Variants in LRBA observed in about 807,000 individuals in gnomAD.
The protein encoded by LRBA is LPS responsive beige-like anchor protein.
A neutral mutation model predicts 330.0 loss-of-function variants in LRBA; 176 were observed. The observed-to-expected ratio is 0.53, with a 90% CI of 0.47 to 0.60. LRBA has a LOEUF of 0.60. LRBA is among the 20% of genes least tolerant of loss of function. LRBA has a pLI of 0.00. For synonymous variants in LRBA, 1,230 were observed against 1,193.0 expected, an observed-to-expected ratio of 1.03 and a Z score of -0.64; for missense variants, 3,259 against 3,444.8, an observed-to-expected ratio of 0.95 and a Z score of 1.35.
intron 35 of LRBA, among the ~76,000 whole-genome samples, chr4:150,742,126 A>G (rs944226878): frequency 8.0e-6 from 1 of 125,216 alleles, no homozygotes; most frequent in Non-Finnish European, 1.6e-5. Context: ...AATTATTATT[A>G]TTATCATTAT....
rs765304417 is a variant in LRBA at position 150,302,828 on chromosome 4, T to C, written c.7850-36A>G. 35 of 1,482,042 alleles carry C rather than the reference T, an allele frequency of 2.4e-5. No individual in the cohort carries two copies. In the South Asian group the frequency reaches 4.2e-4, roughly 18 times the overall value. The allele number at this position is 1,482,042 out of a possible 1,614,324, so 91.8% of individuals were successfully genotyped here. A position where few individuals can be genotyped will look rare whatever the true frequency, so the allele number is the denominator to read the frequency against. ...AAACAATTTTCTTTAAAAATGCTAT[T>C]AAAAAAATAAAAATTCTAGTGAACA... On this transcript the variant is annotated intron_variant, in intron 52 of 56. Coordinates refer to ENST00000651943, the MANE Select transcript of LRBA (RefSeq NM_001364905.1).
intron 33 of LRBA, among the ~76,000 whole-genome samples, chr4:150,805,284 AG>A (rs56007287): frequency 5.1e-4 from 27 of 53,440 alleles, no homozygotes; most frequent in East Asian, 1.2e-3. Context: ...AAAGGAAAGG[AG>A]AAGGAAAGGA....
intron 42 of LRBA, among the ~76,000 whole-genome samples, chr4:150,477,357 T>C (rs909023743): frequency 7.2e-5 from 11 of 152,146 alleles, no homozygotes; most frequent in African/African-American, 2.7e-4. Context: ...AGAAGTTTAA[T>C]TGACTTATAG....
intron 36 of LRBA, among the ~76,000 whole-genome samples, chr4:150,700,989 G>A (rs1316736867): frequency 2.0e-5 from 3 of 151,916 alleles, no homozygotes; most frequent in Non-Finnish European, 4.4e-5. Flanking sequence ...CAAACTCCTG[G>A]ACTCAAGCAA....
chr4:150,791,697 T>C (rs1578795088), intron 34 of LRBA, among the ~76,000 whole-genome samples: 1 of 152,126 alleles, frequency 6.6e-6, no homozygotes, highest in African/African-American at 2.4e-5. Flanking sequence ...CTTCGTATCA[T>C]AGGATTTCCT....
chr4:150,653,972 C>T (rs1779943181), intron 37 of LRBA, among the ~76,000 whole-genome samples: 1 of 152,136 alleles, frequency 6.6e-6, no homozygotes, highest in Admixed American at 6.5e-5. Flanking sequence ...AATACTCCTT[C>T]TCTGGAGAGA....
chr4:150,926,505 C>T (rs1360609094), intron 4 of LRBA, among the ~76,000 whole-genome samples: 1 of 152,138 alleles, frequency 6.6e-6, no homozygotes, highest in Non-Finnish European at 1.5e-5. Flanking sequence ...ACCAGTCTAA[C>T]AATCTTAAAA....
chr4:150,879,492 A>G (rs1028324593), intron 17 of LRBA, among the ~76,000 whole-genome samples: 17 of 152,198 alleles, frequency 1.1e-4, no homozygotes, highest in African/African-American at 3.6e-4. Context: ...CTCTTATTCA[A>G]CATAGCACTG....
intron 40 of LRBA, among the ~76,000 whole-genome samples, chr4:150,587,055 A>G (rs768739228): frequency 1.1e-4 from 17 of 152,184 alleles, no homozygotes; most frequent in Non-Finnish European, 2.1e-4. Flanking sequence ...GTTTCATACA[A>G]TCTACCAAGT....
intron 40 of LRBA, among the ~76,000 whole-genome samples, chr4:150,493,693 C>A (rs1036511766): frequency 6.6e-6 from 1 of 152,166 alleles, no homozygotes; most frequent in African/African-American, 2.4e-5. Context: ...TGAGCATTCA[C>A]TCATTTACTA....
intron 2 of LRBA, among the ~76,000 whole-genome samples, chr4:150,947,612 A>G (rs1375773023): frequency 1.3e-5 from 2 of 152,096 alleles, no homozygotes; most frequent in Non-Finnish European, 2.9e-5. Context: ...TCTCTCCTAA[A>G]GATCAGGAAC....
At chr4:150,324,380 C>T (rs1044527592) in intron 49 of LRBA, among the ~76,000 whole-genome samples, 2 of 152,296 alleles carry the variant, frequency 1.3e-5, no homozygotes. Flanking sequence ...TCTATGTAGT[C>T]TTCTGCCCAC....
chr4:150,655,441 T>C (rs1415815824), intron 37 of LRBA, among the ~76,000 whole-genome samples: 1 of 152,210 alleles, frequency 6.6e-6, no homozygotes, highest in Non-Finnish European at 1.5e-5. Context: ...TTATCATTTT[T>C]GCCACCAAAT....
At chr4:150,992,844 T>C (rs1488999616) in intron 2 of LRBA, among the ~76,000 whole-genome samples, 1 of 152,250 alleles carries the variant, frequency 6.6e-6, no homozygotes, top group East Asian at 1.9e-4. Context: ...CTTGTAGGCA[T>C]GCCTTCTCTA....
intron 46 of LRBA, among the ~76,000 whole-genome samples, chr4:150,427,704 T>G (rs1749826912): frequency 6.6e-6 from 1 of 152,018 alleles, no homozygotes; most frequent in Non-Finnish European, 1.5e-5. Flanking sequence ...TCTAAATTAT[T>G]AAAATGGTGT....
chr4:150,503,280 T>G (rs1175867136), intron 40 of LRBA, among the ~76,000 whole-genome samples: 1 of 152,032 alleles, frequency 6.6e-6, no homozygotes, highest in Non-Finnish European at 1.5e-5. Flanking sequence ...GACCCCCGAG[T>G]AGCCTAACTG....
At chr4:150,406,494 A>G (rs1270866373) in intron 47 of LRBA, among the ~76,000 whole-genome samples, 2 of 152,200 alleles carry the variant, frequency 1.3e-5, no homozygotes, top group Non-Finnish European at 2.9e-5. Flanking sequence ...ATTGAAAATA[A>G]AATAATGGAA....
intron 37 of LRBA, among the ~76,000 whole-genome samples, chr4:150,655,370 G>T (rs999541754): frequency 3.3e-5 from 5 of 152,124 alleles, no homozygotes; most frequent in Non-Finnish European, 7.4e-5. Flanking sequence ...TCCAACACTG[G>T]ATGGACATTT....
At chr4:150,484,712 C>A (rs867824651) in intron 42 of LRBA, among the ~76,000 whole-genome samples, 3 of 151,614 alleles carry the variant, frequency 2.0e-5, no homozygotes, top group African/African-American at 7.2e-5. Context: ...AAGCTAAGAT[C>A]ATTGATTTTA....
Sources: gnomAD v4.1 joint callset for allele counts (sites outside exome capture counted in the v4.1 genomes callset) on GRCh38, gnomAD v4.1.1 for gene constraint, MANE v1.5 for transcripts, NCBI Gene and HGNC (gene_info 2026-07-23, HGNC 2026-07-21) for gene names.